The following COX18 variants were observed in gnomAD, a reference collection of about 807,000 sequenced individuals.
The protein encoded by COX18 is cytochrome c oxidase assembly protein COX18, mitochondrial.
COX18 carries 45 observed loss-of-function variants against 38.0 expected under a neutral mutation model. The observed-to-expected ratio is 1.18, with a 90% CI of 0.93 to 1.52. The LOEUF (loss-of-function observed/expected upper bound fraction) is 1.52, where lower values mean the gene tolerates loss of function less well. COX18 is among the 40% of genes most tolerant of loss of function. COX18 has a pLI of 0.00. For missense variants in COX18, 462 were observed against 423.8 expected (o/e 1.09, Z -0.79); for synonymous variants, 177 against 169.8 (o/e 1.04, Z -0.33).
chr4:73,052,920 A>G lies in COX18; in HGVS notation c.*5194T>C, dbSNP rs1719779039. 1 of 151,796 alleles carries G rather than the reference A, an allele frequency of 6.6e-6. No homozygotes were observed. Among genetic ancestry groups the G allele is most frequent in the Non-Finnish European group, 1.5e-5 (1 of 67,972 alleles). 9.4% of individuals were successfully genotyped at this position (151,796 alleles called of 1,614,324 possible). On this transcript the variant is annotated 3_prime_UTR_variant, in exon 6 of 6. Coordinates refer to ENST00000507544, the MANE Select transcript of COX18 (RefSeq NM_001297732.2). The stretch of plus-strand genomic sequence containing the variant: ...GGGACTTAAATCTGACATATAGGCA[A>G]TTTTAAAGGTGACTCCTAAAAAAAA...
rs1488351934 is a variant in COX18 at position 73,057,903 on chromosome 4, C to T, written c.*211G>A. ...GCCAGGCTGGTCTCAAACTCCAGACCTCAGGTGATCCACCCACCTCGACCT... is the reference window on the plus strand; with the variant it reads ...GCCAGGCTGGTCTCAAACTCCAGACTTCAGGTGATCCACCCACCTCGACCT... On this transcript the variant is annotated 3_prime_UTR_variant, in exon 6 of 6. Transcript: ENST00000507544. 7.0e-6 allele frequency: 2 copies of T among 284,020 alleles called. No individual in the cohort carries two copies. Among genetic ancestry groups the T allele is most frequent in the Non-Finnish European group, 1.4e-5 (2 of 146,432 alleles). The allele number at this position is 284,020 out of a possible 1,614,324, so 17.6% of individuals were successfully genotyped here.
chr4:73,066,353 G>T (rs1158838695), intron 2 of COX18, among the ~76,000 whole-genome samples: 1 of 152,150 alleles, frequency 6.6e-6, no homozygotes, highest in Non-Finnish European at 1.5e-5. Context: ...CTGTCCATCT[G>T]ACACACCGTC....
rs1719774625 is a variant in COX18 at position 73,052,696 on chromosome 4, A to G, written c.*5418T>C. ...CCAGCTCGTAAGGCACAGTGTTTAT[A>G]ATGATAATGCATTGTTTTACACCAT... On this transcript the variant is annotated 3_prime_UTR_variant, in exon 6 of 6. Transcript: ENST00000507544. 1 of 152,204 alleles carries G rather than the reference A, an allele frequency of 6.6e-6. No homozygotes were observed. Among genetic ancestry groups the G allele is most frequent in the Non-Finnish European group, 1.5e-5 (1 of 68,034 alleles). 9.4% of individuals were successfully genotyped at this position (152,204 alleles called of 1,614,324 possible).
intron 4 of COX18, among the ~76,000 whole-genome samples, chr4:73,063,540 C>T (rs1720286465): frequency 6.6e-6 from 1 of 152,172 alleles, no homozygotes; most frequent in Admixed American, 6.5e-5. Flanking sequence ...GAGGCGCACG[C>T]CACCATGCCC....
chr4:73,068,087 G>A lies in COX18; in HGVS notation c.376C>T (p.Leu126Phe), dbSNP rs377304134. The change falls in exon 2 of 6, where the codon CTT becomes TTT. Residue 126 changes from leucine to phenylalanine, a missense_variant. Transcript: ENST00000507544. ...GCACGAACTGCAACTTCTTGGTTAA[G>A]ATGCCTGGCAATAGTTTTTATTTCT... ...QPEIKTIARHLNQEVAVRANQ... is the reference protein window; with the variant it reads ...QPEIKTIARHFNQEVAVRANQ... 3.7e-6 allele frequency: 6 copies of A among 1,607,020 alleles called. No homozygotes were observed. The highest frequency in any genetic ancestry group is 1.3e-5 in the African/African-American group (1 of 74,458).
intron 5 of COX18, among the ~76,000 whole-genome samples, chr4:73,059,418 T>A (rs1488647970): frequency 6.6e-6 from 1 of 152,208 alleles, no homozygotes; most frequent in African/African-American, 2.4e-5. Flanking sequence ...ATGAGATAAT[T>A]CATGTAGAGT....
chr4:73,068,640 T>A (rs1720591336), intron 1 of COX18: 1 of 153,156 alleles, frequency 6.5e-6, no homozygotes, highest in African/African-American at 2.4e-5. Context: ...TTTCCGGTTT[T>A]TTTTCCCCAT....
At position 73,062,114 on chromosome 4, in the gene COX18, A is replaced by C. The variant is rs531520830; in HGVS notation, c.724-194T>G. ...TTTTTTGAGACCTGTCTTGCTATCA[A>C]ACTGAGACCAGTTTAAGGGCTGGTC... On this transcript the variant is annotated intron_variant, in intron 4 of 5. Coordinates refer to ENST00000507544, the MANE Select transcript of COX18 (RefSeq NM_001297732.2). Among the ~76,000 whole-genome samples the C allele has an allele frequency of 5.2e-4, 79 of 152,226 alleles. No homozygotes were observed. The South Asian group carries it at 0.016, about 31-fold the overall frequency.
At position 73,055,210 on chromosome 4, in the gene COX18, T is replaced by C. The variant is rs188487615; in HGVS notation, c.*2904A>G. 2 of 152,346 alleles carry C rather than the reference T, an allele frequency of 1.3e-5. No homozygotes were observed. Among genetic ancestry groups the C allele is most frequent in the Admixed American group, 1.3e-4 (2 of 15,304 alleles). The allele number at this position is 152,346 out of a possible 1,614,324, so 9.4% of individuals were successfully genotyped here. A position where few individuals can be genotyped will look rare whatever the true frequency, so the allele number is the denominator to read the frequency against. The stretch of plus-strand genomic sequence containing the variant: ...ACTGGCAAAATTTTCCTCAAATTCT[T>C]TCCTCTTTTTACTATGACCTAAGCT... On this transcript the variant is annotated 3_prime_UTR_variant, in exon 6 of 6. Coordinates refer to ENST00000507544, the MANE Select transcript of COX18 (RefSeq NM_001297732.2).
chr4:73,066,807 TCAC>T (rs1720467739), intron 2 of COX18, among the ~76,000 whole-genome samples: 1 of 152,216 alleles, frequency 6.6e-6, no homozygotes, highest in African/African-American at 2.4e-5. Flanking sequence ...CATTAAGCTA[TCAC>T]CACGATTTTT....
In COX18 at chr4:73,056,509, T is replaced by C. The variant is rs935553532; in HGVS notation, c.*1605A>G. On this transcript the variant is annotated 3_prime_UTR_variant, in exon 6 of 6. Transcript: ENST00000507544. ...TTCTTAAATTATAGAAAAAGGAATGTACACTTTTTGTATTCTTTCTGAGCA... is the reference window on the plus strand; with the variant it reads ...TTCTTAAATTATAGAAAAAGGAATGCACACTTTTTGTATTCTTTCTGAGCA... The C allele has an allele frequency of 6.6e-6, 1 of 152,276 alleles. No homozygotes were observed. The highest frequency in any genetic ancestry group is 1.5e-5 in the Non-Finnish European group (1 of 68,060). The allele number at this position is 152,276 out of a possible 1,614,324, so 9.4% of individuals were successfully genotyped here.
Position 73,064,907 on chromosome 4 carries a change from AAC to A in COX18, c.599-7_599-6del. 6.2e-7 allele frequency: 1 copy of A among 1,612,944 alleles called. No homozygotes were observed. The highest frequency in any genetic ancestry group is 8.5e-7 in the Non-Finnish European group (1 of 1,179,492). The stretch of plus-strand genomic sequence containing the variant: ...GTTCCTGAACAGAAAAACCTGCTAA[AAC>A]AGTTTTATAAATAAAACAATAGAAG... On this transcript the variant is annotated splice_polypyrimidine_tract_variant and splice_region_variant and intron_variant, in intron 3 of 5. Transcript: ENST00000507544.
chr4:73,061,544 CAAAAATACA>C (rs1248770768), intron 5 of COX18, among the ~76,000 whole-genome samples: 2 of 151,406 alleles, frequency 1.3e-5, no homozygotes, highest in Non-Finnish European at 2.9e-5. Flanking sequence ...CCGTCTCTAC[CAAAAATACA>C]AAAAATTAGC....
At chr4:73,064,660 A>C in intron 4 of COX18, 118 bp downstream of exon 4, 152 of 1,098,098 alleles carry the variant, frequency 1.4e-4, no homozygotes, top group Middle Eastern at 3.0e-4. Flanking sequence ...GAACCAAGGG[A>C]TCTCACTTCT....
intron 2 of COX18, among the ~76,000 whole-genome samples, 165 bp downstream of exon 2, chr4:73,067,864 A>AAAAAAATAAATATAT: frequency 1.5e-4 from 3 of 20,010 alleles, no homozygotes; most frequent in Non-Finnish European, 4.7e-4. Flanking sequence ...AAAAAAAAAA[A>AAAAAAATAAATATAT]ATATATATAT....
chr4:73,067,837 G>A (rs1230684449), intron 2 of COX18, among the ~76,000 whole-genome samples, 192 bp downstream of exon 2: 2 of 2,032 alleles, frequency 9.8e-4, no homozygotes, highest in Non-Finnish European at 1.8e-3. Context: ...GCAAAACTCC[G>A]TCTCAAAAAA....
intron 1 of COX18, among the ~76,000 whole-genome samples, 186 bp from the exon 2 acceptor site, chr4:73,068,315 T>C (rs954589817): frequency 7.2e-5 from 11 of 152,220 alleles, no homozygotes; most frequent in African/African-American, 2.7e-4. Flanking sequence ...AAATTCACAA[T>C]GCATACTTAT....
intron 5 of COX18, among the ~76,000 whole-genome samples, chr4:73,059,526 T>C (rs959308523): frequency 6.6e-6 from 1 of 152,192 alleles, no homozygotes; most frequent in African/African-American, 2.4e-5. Context: ...CAAAGGTAGA[T>C]TAGCACAGTA....
chr4:73,061,970 A>G, intron 4 of COX18, 50 bp from the exon 5 acceptor site: 1 of 946,276 alleles, frequency 1.1e-6, no homozygotes, highest in Non-Finnish European at 1.7e-6. Flanking sequence ...AACGCATATT[A>G]AATCAGACAA....
Sources: gnomAD v4.1 joint callset for allele counts (sites outside exome capture counted in the v4.1 genomes callset) on GRCh38, gnomAD v4.1.1 for gene constraint, MANE v1.5 for transcripts, NCBI Gene and HGNC (gene_info 2026-07-23, HGNC 2026-07-21) for gene names.